The following NBEA variants were observed in gnomAD, a reference collection of about 807,000 sequenced individuals.
NBEA encodes lysosomal-trafficking regulator 2.
NBEA carries 44 observed loss-of-function variants against 343.4 expected under a neutral mutation model. The ratio of observed to expected loss-of-function variants is 0.13; its 90% CI spans 0.10 to 0.16. NBEA has a LOEUF of 0.16. NBEA is among the 10% of genes least tolerant of loss of function. The probability of loss-of-function intolerance (pLI) is 1.00; values close to 1 mark genes in which losing one functional copy is unlikely to be tolerated. For synonymous variants in NBEA, 1,175 were observed against 1,238.7 expected (o/e 0.95, Z 1.08); for missense variants, 2,555 against 3,631.3 (o/e 0.70, Z 7.62).
chr13:35,436,035 A>G (rs1050771230), intron 39 of NBEA, among the ~76,000 whole-genome samples: 4 of 152,080 alleles, frequency 2.6e-5, no homozygotes, highest in African/African-American at 4.8e-5. Flanking sequence ...CTGAAAAGCA[A>G]TATAATATTG....
At chr13:35,522,804 T>C (rs910749458) in intron 41 of NBEA, among the ~76,000 whole-genome samples, 28 of 152,066 alleles carry the variant, frequency 1.8e-4, no homozygotes, top group South Asian at 2.1e-4. Flanking sequence ...ATCTAATGCC[T>C]GATGATCCGA....
chr13:34,989,414 T>A (rs1291121411), intron 1 of NBEA, among the ~76,000 whole-genome samples: 1 of 150,856 alleles, frequency 6.6e-6, no homozygotes, highest in East Asian at 1.9e-4. Context: ...AAACTTACAA[T>A]CATGGCAGAA....
At chr13:35,547,553 T>C (rs185917570) in intron 41 of NBEA, among the ~76,000 whole-genome samples, 3 of 152,172 alleles carry the variant, frequency 2.0e-5, no homozygotes, top group East Asian at 1.9e-4. Context: ...TGCCAGGAGA[T>C]TGAGTAACAA....
intron 1 of NBEA, among the ~76,000 whole-genome samples, chr13:34,989,832 C>T (rs1383084942): frequency 6.6e-6 from 1 of 150,966 alleles, no homozygotes; most frequent in Non-Finnish European, 1.5e-5. Flanking sequence ...AAACCATAAA[C>T]AAGTTAGTTA....
chr13:35,541,645 A>C (rs543176648), intron 41 of NBEA, among the ~76,000 whole-genome samples: 1 of 152,048 alleles, frequency 6.6e-6, no homozygotes, highest in East Asian at 1.9e-4. Context: ...GTTCAGTAAA[A>C]GGCTATGTGC....
rs761097921 is a variant in NBEA at position 35,161,856 on chromosome 13, G to A, written c.3968G>A (p.Gly1323Asp). 6.2e-7 allele frequency: 1 copy of A among 1,609,040 alleles called. No homozygotes were observed. The highest frequency in any genetic ancestry group is 1.7e-5 in the Admixed American group (1 of 59,478). The change falls in exon 23 of 59, where the codon GGT becomes GAT. Residue 1323 changes from glycine (G) to aspartate (D), a missense_variant. By Grantham distance (94) the Gly-to-Asp change is moderately conservative (BLOSUM62 -1). This residue lies in a region of NBEA where 69 missense variants were observed against 128.8 expected (regional missense o/e 0.54). Transcript: ENST00000379939. Reference protein sequence around the residue: ...TEEQRRQFSPGPRTTMFRIPE... With the variant: ...TEEQRRQFSPDPRTTMFRIPE... ...GAACAGCGACGCCAGTTTAGCCCAGGTCCACGGACTACAATGTTTCGTATT... is the reference window on the plus strand; with the variant it reads ...GAACAGCGACGCCAGTTTAGCCCAGATCCACGGACTACAATGTTTCGTATT...
At chr13:35,086,445 T>C (rs562775177) in intron 10 of NBEA, among the ~76,000 whole-genome samples, 1 of 152,090 alleles carries the variant, frequency 6.6e-6, no homozygotes, top group African/African-American at 2.4e-5. Flanking sequence ...TTATTCCTCC[T>C]GCTACCCTGG....
At chr13:35,204,225 A>G (rs1342505887) in intron 31 of NBEA, among the ~76,000 whole-genome samples, 1 of 151,864 alleles carries the variant, frequency 6.6e-6, no homozygotes, top group Non-Finnish European at 1.5e-5. Flanking sequence ...AAGGTTAAGT[A>G]CTCCTTATGA....
At chr13:35,240,474 T>A (rs2030045196) in intron 34 of NBEA, among the ~76,000 whole-genome samples, 1 of 151,790 alleles carries the variant, frequency 6.6e-6, no homozygotes. Flanking sequence ...TATGAATGAA[T>A]GAATAAAATA....
intron 48 of NBEA, among the ~76,000 whole-genome samples, chr13:35,607,047 A>G (rs576244956): frequency 6.6e-6 from 1 of 152,230 alleles, no homozygotes; most frequent in Non-Finnish European, 1.5e-5. Context: ...AATAGAAAAC[A>G]TCTTTTTTTG....
rs1418658269 is a variant in NBEA at position 35,003,895 on chromosome 13, G to A, written c.295-37038G>A. Reference sequence around the variant, plus strand: ...TAACAACCCATCTCCTAGGTATTAAGCCCTGCACGCATTAGCCATTTATCC... The same window carrying A: ...TAACAACCCATCTCCTAGGTATTAAACCCTGCACGCATTAGCCATTTATCC... On this transcript the variant is annotated intron_variant, in intron 1 of 58. Transcript: ENST00000379939. 2.0e-5 allele frequency among the ~76,000 whole-genome samples: 3 copies of A among 152,174 alleles called. No homozygotes were observed. The East Asian group carries it at 5.8e-4, about 29-fold the overall frequency.
At chr13:34,970,350 C>A (rs974118277) in intron 1 of NBEA, among the ~76,000 whole-genome samples, 1 of 151,994 alleles carries the variant, frequency 6.6e-6, no homozygotes, top group African/African-American at 2.4e-5. Flanking sequence ...CGTAGGTTGT[C>A]TGTTTACCCT....
chr13:35,249,334 CTATG>C (rs1835825765), intron 34 of NBEA, among the ~76,000 whole-genome samples: 1 of 151,898 alleles, frequency 6.6e-6, no homozygotes, highest in Admixed American at 6.6e-5. Flanking sequence ...CAAAGGCAAC[CTATG>C]GAAAGGGAGA....
At chr13:35,600,049 G>A (rs1489676894) in intron 47 of NBEA, among the ~76,000 whole-genome samples, 2 of 152,138 alleles carry the variant, frequency 1.3e-5, no homozygotes, top group Admixed American at 6.6e-5. Context: ...CATAACATAG[G>A]TTCAAGTAGC....
chr13:34,952,302 C>T (rs2059374710), intron 1 of NBEA, among the ~76,000 whole-genome samples: 1 of 152,068 alleles, frequency 6.6e-6, no homozygotes, highest in Non-Finnish European at 1.5e-5. Flanking sequence ...TTAGGACAGG[C>T]TATTCAGAGG....
chr13:35,349,068 C>T (rs749809387), intron 36 of NBEA, 40 bp from the exon 37 acceptor site: 3 of 1,167,282 alleles, frequency 2.6e-6, no homozygotes, highest in Non-Finnish European at 2.4e-6. Context: ...CTGACCAAAG[C>T]TATTAAGAAT....
At chr13:35,438,563 ATCT>A (rs2045565241) in intron 39 of NBEA, among the ~76,000 whole-genome samples, 1 of 152,212 alleles carries the variant, frequency 6.6e-6, no homozygotes, top group Non-Finnish European at 1.5e-5. Flanking sequence ...TCTAGTAAAC[ATCT>A]TCATTATTGT....
intron 44 of NBEA, among the ~76,000 whole-genome samples, chr13:35,559,638 G>A (rs545670734): frequency 1.8e-4 from 27 of 152,074 alleles, no homozygotes; most frequent in Non-Finnish European, 3.5e-4. Flanking sequence ...TTCCTTGGCC[G>A]GGCGCAGTGG....
intron 1 of NBEA, among the ~76,000 whole-genome samples, chr13:34,960,859 T>C (rs1446094340): frequency 1.3e-5 from 2 of 152,114 alleles, no homozygotes; most frequent in African/African-American, 2.4e-5. Context: ...TGAATGACTG[T>C]ATTTTATCCT....
Sources: gnomAD v4.1 joint callset for allele counts (sites outside exome capture counted in the v4.1 genomes callset) on GRCh38, gnomAD v4.1.1 for gene constraint, gnomAD v4.1.1 regional missense constraint, MANE v1.5 for transcripts, NCBI Gene and HGNC (gene_info 2026-07-23, HGNC 2026-07-21) for gene names.